C9: variants seen among roughly 807,000 people sequenced by gnomAD.
C9 encodes the protein complement component C9.
A neutral mutation model predicts 65.4 loss-of-function variants in C9; 63 were observed. The ratio of observed to expected loss-of-function variants is 0.96; its 90% CI spans 0.79 to 1.19. The LOEUF is 1.19. C9 is among the 50% of genes most tolerant of loss of function. The pLI, the probability that C9 is intolerant of heterozygous loss-of-function variation, is 0.00. For missense variants in C9, 744 were observed against 670.1 expected, an observed-to-expected ratio of 1.11 and a Z score of -1.22; for synonymous variants, 229 against 227.9, an observed-to-expected ratio of 1.00 and a Z score of -0.04.
chr5:39,304,579 T>C (rs1753340792), intron 9 of C9, among the ~76,000 whole-genome samples: 1 of 152,154 alleles, frequency 6.6e-6, no homozygotes, highest in Non-Finnish European at 1.5e-5. Context: ...TTAAAAGTCA[T>C]ACAAAGTCAA....
intron 1 of C9, among the ~76,000 whole-genome samples, chr5:39,343,748 A>G (rs1327527394): frequency 2.0e-5 from 3 of 152,182 alleles, no homozygotes; most frequent in African/African-American, 7.2e-5. Context: ...CCTGATCCCC[A>G]AGTAGCCTAA....
At position 39,306,725 on chromosome 5, in the gene C9, A is replaced by G. The variant is rs1753386120; in HGVS notation, c.1308T>C (p.Tyr436=). The G allele has an allele frequency of 1.9e-6, 3 of 1,612,690 alleles. No individual in the cohort carries two copies. The highest frequency in any genetic ancestry group is 2.5e-6 in the Non-Finnish European group (3 of 1,178,802). The part of the protein sequence containing the change: ...VSLIRGGTRK[Y]AFELKEKLLR... ...GAAGCTTTTCTTTCAGTTCAAATGC[A>G]TATTTTCTGGTTCCACCTCTTATGA... The change falls in exon 9 of 11, where the codon TAT becomes TAC. Residue 436 remains tyrosine, a synonymous_variant. Transcript: ENST00000263408.
Position 39,364,476 on chromosome 5 carries a change from T to A in C9, c.-12A>T, listed in dbSNP as rs1754581825. The A allele has an allele frequency of 6.3e-7, 1 of 1,586,390 alleles. No homozygotes were observed. ...CGGCAGGCTGACATGCTGCTCTTGCTGGGTGGCTGCGAGTGGGGTGGCAGG... is the reference window on the plus strand; with the variant it reads ...CGGCAGGCTGACATGCTGCTCTTGCAGGGTGGCTGCGAGTGGGGTGGCAGG... On this transcript the variant is annotated 5_prime_UTR_variant, in exon 1 of 11. Transcript: ENST00000263408.
At chr5:39,343,425 C>T in intron 1 of C9, among the ~76,000 whole-genome samples, 1 of 152,210 alleles carries the variant, frequency 6.6e-6, no homozygotes, top group Non-Finnish European at 1.5e-5. Context: ...GAGACTTGCT[C>T]ATTGCTAGCA....
In C9 at chr5:39,285,304, G is replaced by A. The variant is rs367587173; in HGVS notation, c.1646-71C>T. 4.8e-4 allele frequency: 566 copies of A among 1,188,462 alleles called. 1 individual carries two copies. The highest frequency in any genetic ancestry group is 6.4e-4 in the Non-Finnish European group (510 of 792,838). The allele number at this position is 1,188,462 out of a possible 1,614,324, so 73.6% of individuals were successfully genotyped here. On this transcript the variant is annotated intron_variant, in intron 10 of 10. Coordinates refer to ENST00000263408, the MANE Select transcript of C9 (RefSeq NM_001737.5). ...TTACTTTGGGTCCATCCACCCATCC[G>A]CTTTTTCACCTTCTTATCCTCTTGC...
rs758239190 is a variant in C9 at position 39,331,803 on chromosome 5, A to C, written c.488T>G (p.Leu163Ter). 23 of 1,613,324 alleles carry C rather than the reference A, an allele frequency of 1.4e-5. No individual in the cohort carries two copies. The highest frequency in any genetic ancestry group is 1.1e-4 in the East Asian group (5 of 44,874). The change falls in exon 5 of 11, where the codon TTA (leucine) becomes TGA (stop). Residue 163 changes from leucine (L) to a stop codon, truncating the protein, a stop_gained. Coordinates refer to ENST00000263408, the MANE Select transcript of C9 (RefSeq NM_001737.5). LOFTEE classifies it high-confidence loss of function. ...ARTAGYGINI[L>*]GMDPLSTPFD... ...AGGTGTGCTTAGGGGATCCATCCCT[A>C]AAATGTTGATCCTGAGAATGAACAG...
At chr5:39,342,342 A>G (rs1754102740) in intron 1 of C9, 146 bp from the exon 2 acceptor site, 1 of 596,902 alleles carries the variant, frequency 1.7e-6, no homozygotes, top group Non-Finnish European at 3.0e-6. Context: ...TTCACCCTCA[A>G]TTGCATGCTG....
At chr5:39,350,970 C>T (rs781362611) in intron 1 of C9, among the ~76,000 whole-genome samples, 5 of 152,142 alleles carry the variant, frequency 3.3e-5, no homozygotes, top group South Asian at 2.1e-4. Context: ...ACAAGGGCAC[C>T]GTCCCTATAG....
intron 8 of C9, among the ~76,000 whole-genome samples, chr5:39,307,714 G>A (rs763890802): frequency 2.0e-5 from 3 of 152,120 alleles, no homozygotes; most frequent in Non-Finnish European, 4.4e-5. Flanking sequence ...TTGTAAATCT[G>A]CTAAAGATTA....
intron 1 of C9, among the ~76,000 whole-genome samples, chr5:39,348,287 T>C (rs1246074158): frequency 6.6e-6 from 1 of 152,110 alleles, no homozygotes; most frequent in Non-Finnish European, 1.5e-5. Flanking sequence ...AAAGGGCTAA[T>C]ATCCAGAATC....
intron 1 of C9, among the ~76,000 whole-genome samples, chr5:39,361,093 A>G (rs1012104314): frequency 2.0e-5 from 3 of 152,128 alleles, no homozygotes; most frequent in African/African-American, 7.2e-5. Flanking sequence ...AAAGTTATCC[A>G]GGACATGCCA....
At chr5:39,319,645 G>A (rs556341877) in intron 5 of C9, among the ~76,000 whole-genome samples, 25 of 152,216 alleles carry the variant, frequency 1.6e-4, no homozygotes, top group African/African-American at 5.5e-4. Flanking sequence ...TGCCAGAATG[G>A]CCACTGCAAA....
intron 1 of C9, among the ~76,000 whole-genome samples, chr5:39,345,800 C>G (rs1754180973): frequency 2.0e-5 from 3 of 152,158 alleles, no homozygotes; most frequent in Admixed American, 2.0e-4. Flanking sequence ...TGTAAAAGAA[C>G]AGAAATTATA....
chr5:39,335,976 C>CT, intron 4 of C9, among the ~76,000 whole-genome samples: 1 of 152,242 alleles, frequency 6.6e-6, no homozygotes, highest in Non-Finnish European at 1.5e-5. Context: ...ATAAATTATA[C>CT]TTTCCTGCAC....
At chr5:39,328,302 G>A (rs1162631778) in intron 5 of C9, among the ~76,000 whole-genome samples, 1 of 152,200 alleles carries the variant, frequency 6.6e-6, no homozygotes, top group South Asian at 2.1e-4. Context: ...CTGAACCCAG[G>A]ATCAAAATGG....
chr5:39,344,894 ACCC>A (rs1754160916), intron 1 of C9, among the ~76,000 whole-genome samples: 1 of 152,238 alleles, frequency 6.6e-6, no homozygotes. Context: ...AGAATTTTCA[ACCC>A]AGAATTTCAT....
chr5:39,288,700 C>T (rs2111835640), intron 10 of C9, 23 bp downstream of exon 10: 1 of 1,367,978 alleles, frequency 7.3e-7, no homozygotes, highest in East Asian at 2.3e-5. Context: ...TGTCTTTAAT[C>T]ACATCAAATA....
intron 1 of C9, among the ~76,000 whole-genome samples, chr5:39,361,972 A>G (rs1176286932): frequency 2.0e-5 from 3 of 152,212 alleles, no homozygotes; most frequent in African/African-American, 4.8e-5. Flanking sequence ...GTGAAAGCAC[A>G]GGAAGGTTAT....
intron 1 of C9, among the ~76,000 whole-genome samples, chr5:39,356,793 C>T (rs930757125): frequency 1.3e-5 from 2 of 152,284 alleles, no homozygotes. Context: ...CCCAACACCC[C>T]CTCCTCAGCC....
Sources: gnomAD v4.1 joint callset for allele counts (sites outside exome capture counted in the v4.1 genomes callset) on GRCh38, gnomAD v4.1.1 for gene constraint, MANE v1.5 for transcripts, NCBI Gene and HGNC (gene_info 2026-07-23, HGNC 2026-07-21) for gene names.